LRFN2: variants seen among roughly 807,000 people sequenced by gnomAD.
LRFN2 encodes leucine-rich repeat and fibronectin type-III domain-containing protein 2.
Under a neutral mutation model 37.3 loss-of-function variants are expected in LRFN2, and 18 were observed. That is an observed-to-expected ratio of 0.48 (90% CI 0.33 to 0.72). LRFN2 has a LOEUF of 0.72. LRFN2 is among the 30% of genes least tolerant of loss of function. The probability of loss-of-function intolerance (pLI) is 0.02; values close to 1 mark genes in which losing one functional copy is unlikely to be tolerated. For missense variants in LRFN2, 1,006 were observed against 1,060.7 expected, an observed-to-expected ratio of 0.95 and a Z score of 0.72; for synonymous variants, 556 against 466.6, an observed-to-expected ratio of 1.19 and a Z score of -2.47.
intron 1 of LRFN2, among the ~76,000 whole-genome samples, chr6:40,532,995 C>T (rs747430813): frequency 2.6e-5 from 4 of 152,208 alleles, no homozygotes; most frequent in Non-Finnish European, 4.4e-5. Context: ...AAAAATGCAA[C>T]GGCCAACTGT....
intron 2 of LRFN2, among the ~76,000 whole-genome samples, chr6:40,426,661 A>G (rs1362303648): frequency 6.6e-6 from 1 of 152,198 alleles, no homozygotes; most frequent in Admixed American, 6.5e-5. Flanking sequence ...GTGTGCGTGT[A>G]TGTCTTTTCC....
At chr6:40,505,293 G>A (rs936155649) in intron 1 of LRFN2, among the ~76,000 whole-genome samples, 10 of 152,180 alleles carry the variant, frequency 6.6e-5, no homozygotes, top group African/African-American at 2.2e-4. Context: ...GAATTTCACC[G>A]TGCGTGCTCG....
intron 1 of LRFN2, among the ~76,000 whole-genome samples, chr6:40,485,219 C>T (rs576744696): frequency 4.6e-5 from 7 of 152,314 alleles, no homozygotes; most frequent in African/African-American, 1.4e-4. Flanking sequence ...GATGACATCT[C>T]AAAGTAGCTC....
chr6:40,469,729 C>A (rs1289144244), intron 1 of LRFN2, among the ~76,000 whole-genome samples: 1 of 152,094 alleles, frequency 6.6e-6, no homozygotes, highest in Non-Finnish European at 1.5e-5. Context: ...CTGGCAGGGG[C>A]CTTTCGGGGT....
At chr6:40,473,494 T>A (rs73732676) in intron 1 of LRFN2, among the ~76,000 whole-genome samples, 1 of 152,180 alleles carries the variant, frequency 6.6e-6, no homozygotes. Flanking sequence ...GGACAAGGCA[T>A]GGTTCCCAGG....
intron 1 of LRFN2, among the ~76,000 whole-genome samples, chr6:40,507,070 G>T (rs965345299): frequency 6.6e-6 from 1 of 152,206 alleles, no homozygotes; most frequent in Non-Finnish European, 1.5e-5. Flanking sequence ...AAATGGTATT[G>T]ATTGTTTCCG....
intron 1 of LRFN2, among the ~76,000 whole-genome samples, chr6:40,458,472 T>C (rs1764280196): frequency 6.6e-6 from 1 of 152,222 alleles, no homozygotes; most frequent in South Asian, 2.1e-4. Context: ...CACTGCACTC[T>C]ACACGTTGGT....
At position 40,508,877 on chromosome 6, in the gene LRFN2, G is replaced by C. The variant is rs1204355046; in HGVS notation, c.-18-75746C>G. Among the ~76,000 whole-genome samples the C allele has an allele frequency of 8.5e-5, 13 of 152,274 alleles. No individual in the cohort carries two copies. In the East Asian group the frequency reaches 2.5e-3, roughly 29 times the overall value. ...TGCTAACGACCACATCATGATCTTG[G>C]ATATGCCATGGGCCCTCTCTGGACC... On this transcript the variant is annotated intron_variant, in intron 1 of 2. Coordinates refer to ENST00000338305, the MANE Select transcript of LRFN2 (RefSeq NM_020737.3).
intron 1 of LRFN2, among the ~76,000 whole-genome samples, chr6:40,457,546 G>A (rs917280908): frequency 6.7e-6 from 1 of 149,130 alleles, no homozygotes; most frequent in Non-Finnish European, 1.5e-5. Context: ...GCTGAGGCAG[G>A]AGAAATCACT....
chr6:40,392,683 C>T lies in LRFN2; in HGVS notation c.1630G>A (p.Ala544Thr). The part of the protein sequence containing the change: ...MILVIGGIIV[A>T]TLLVFIVILM... ...ATGACGATGAAGACCAGCAGCGTGGCCACGATGATGCCCCCGATGACCAGG... is the reference window on the plus strand; with the variant it reads ...ATGACGATGAAGACCAGCAGCGTGGTCACGATGATGCCCCCGATGACCAGG... Residue 544 changes from alanine to threonine, a missense_variant, in exon 3 of 3, where the codon GCC becomes ACC. By Grantham distance (58) the Ala-to-Thr change is moderately conservative. Transcript: ENST00000338305. The surrounding 1 kb of genome is among the most constrained non-coding windows in gnomAD (Gnocchi z 4.7). The T allele has an allele frequency of 6.2e-7, 1 of 1,613,980 alleles. No homozygotes were observed. Among genetic ancestry groups the T allele is most frequent in the Non-Finnish European group, 8.5e-7 (1 of 1,180,016 alleles).
chr6:40,416,713 C>T (rs1763101223), intron 2 of LRFN2, among the ~76,000 whole-genome samples: 1 of 152,116 alleles, frequency 6.6e-6, no homozygotes, highest in Non-Finnish European at 1.5e-5. Flanking sequence ...ACCTCGTGAC[C>T]CCTCCTGACC....
intron 1 of LRFN2, among the ~76,000 whole-genome samples, chr6:40,509,367 C>T (rs1041585364): frequency 2.0e-5 from 3 of 152,228 alleles, no homozygotes; most frequent in Admixed American, 6.5e-5. Context: ...TCTGAGATGT[C>T]GGGCAATTTT....
chr6:40,447,758 G>A (rs192639494), intron 1 of LRFN2, among the ~76,000 whole-genome samples: 12 of 152,218 alleles, frequency 7.9e-5, no homozygotes, highest in Non-Finnish European at 1.2e-4. Flanking sequence ...GCCCATCAAG[G>A]TGTTTAGATG....
intron 1 of LRFN2, among the ~76,000 whole-genome samples, chr6:40,490,908 A>G (rs1364206703): frequency 6.6e-6 from 1 of 152,120 alleles, no homozygotes; most frequent in Non-Finnish European, 1.5e-5. Context: ...GCTTTGAGTG[A>G]TGCCTCACAT....
At chr6:40,574,134 T>C (rs1767234385) in intron 1 of LRFN2, among the ~76,000 whole-genome samples, 1 of 152,186 alleles carries the variant, frequency 6.6e-6, no homozygotes, top group Non-Finnish European at 1.5e-5. Context: ...TTTGCAAAAG[T>C]AGTTGGGAGA....
intron 1 of LRFN2, among the ~76,000 whole-genome samples, chr6:40,555,825 A>C (rs1277073666): frequency 6.6e-6 from 1 of 151,560 alleles, no homozygotes; most frequent in East Asian, 1.9e-4. Flanking sequence ...CGAAATCCCC[A>C]CCAATGGCCA....
chr6:40,506,490 C>T (rs1765542067), intron 1 of LRFN2, among the ~76,000 whole-genome samples: 1 of 152,136 alleles, frequency 6.6e-6, no homozygotes, highest in South Asian at 2.1e-4. Context: ...AACTGTGACG[C>T]TAGGAGTGGA....
At chr6:40,403,177 G>A (rs1762776602) in intron 2 of LRFN2, among the ~76,000 whole-genome samples, 1 of 152,212 alleles carries the variant, frequency 6.6e-6, no homozygotes. Context: ...TCTGGAGCCG[G>A]TGTCTCATAC....
intron 1 of LRFN2, among the ~76,000 whole-genome samples, chr6:40,443,015 C>T (rs950768140): frequency 5.3e-5 from 8 of 152,084 alleles, no homozygotes; most frequent in African/African-American, 1.4e-4. Context: ...AATAACCCCT[C>T]TTATTATTAA....
Sources: gnomAD v4.1 joint callset for allele counts (sites outside exome capture counted in the v4.1 genomes callset) on GRCh38, gnomAD v4.1.1 for gene constraint, Gnocchi (gnomAD v3.1) non-coding constraint, MANE v1.5 for transcripts, NCBI Gene and HGNC (gene_info 2026-07-23, HGNC 2026-07-21) for gene names.